The following EXD3 variants were observed in gnomAD, a reference collection of about 807,000 sequenced individuals.
EXD3 encodes the protein exonuclease 3'-5' domain containing 3.
Under a neutral mutation model 98.0 loss-of-function variants are expected in EXD3, and 92 were observed. That is an observed-to-expected ratio of 0.94 (90% CI 0.79 to 1.12). The LOEUF (loss-of-function observed/expected upper bound fraction) is 1.12, where lower values mean the gene tolerates loss of function less well. Ranked by LOEUF, EXD3 falls within the 50% of genes most tolerant of loss-of-function variation. The pLI, the probability that EXD3 is intolerant of heterozygous loss-of-function variation, is 0.00. For synonymous variants in EXD3, 569 were observed against 526.0 expected (o/e 1.08, Z -1.12); for missense variants, 1,222 against 1,191.6 (o/e 1.03, Z -0.38).
chr9:137,320,873 C>T (rs911435071), intron 19 of EXD3, among the ~76,000 whole-genome samples: 2 of 152,198 alleles, frequency 1.3e-5, no homozygotes, highest in East Asian at 1.9e-4. Flanking sequence ...CCTCCCCAGG[C>T]GTCCCGGACA....
Position 137,306,920 on chromosome 9 carries a change from G to A in EXD3, c.*30C>T, listed in dbSNP as rs754811360. The A allele has an allele frequency of 2.4e-5, 37 of 1,532,164 alleles. No homozygotes were observed. In the Admixed American group the frequency reaches 5.0e-4, roughly 21 times the overall value. The allele number at this position is 1,532,164 out of a possible 1,614,324, so 94.9% of individuals were successfully genotyped here. ...CCACGGCCATGGGCCCAGCAGTCGG[G>A]CACTTTCCATGTTTATTGTCTGGCT... On this transcript the variant is annotated 3_prime_UTR_variant, in exon 22 of 22. Transcript: ENST00000340951.
intron 7 of EXD3, among the ~76,000 whole-genome samples, chr9:137,364,173 T>C (rs1238957562): frequency 6.6e-6 from 1 of 152,160 alleles, no homozygotes; most frequent in East Asian, 1.9e-4. Flanking sequence ...ACCATTGTCA[T>C]TTTTGTGCTC....
intron 19 of EXD3, among the ~76,000 whole-genome samples, chr9:137,314,807 C>T (rs1439649790): frequency 1.3e-5 from 2 of 152,186 alleles, no homozygotes; most frequent in South Asian, 2.1e-4. Flanking sequence ...ACCCCAGAGC[C>T]CCCAAAAGCC....
chr9:137,413,559 G>A (rs920166298), intron 1 of EXD3, among the ~76,000 whole-genome samples: 1 of 147,528 alleles, frequency 6.8e-6, no homozygotes, highest in African/African-American at 2.5e-5. Flanking sequence ...AGGGTGGAGT[G>A]CAGTGGTGCG....
At chr9:137,378,519 G>T (rs566843544) in intron 3 of EXD3, among the ~76,000 whole-genome samples, 2 of 152,282 alleles carry the variant, frequency 1.3e-5, no homozygotes, top group South Asian at 4.2e-4. Flanking sequence ...CCTCCCCAAA[G>T]ATTTAAAAAC....
At chr9:137,368,067 C>T (rs931150944) in intron 5 of EXD3, 78 bp from the exon 6 acceptor site, 2 of 1,201,712 alleles carry the variant, frequency 1.7e-6, no homozygotes, top group Admixed American at 2.0e-5. Flanking sequence ...GGCTACCACC[C>T]TTTTGCACCA....
chr9:137,320,968 G>A (rs1026123664), intron 19 of EXD3, among the ~76,000 whole-genome samples: 1 of 152,218 alleles, frequency 6.6e-6, no homozygotes, highest in African/African-American at 2.4e-5. Context: ...TGGAGCCCAA[G>A]GCTGCAGGAG....
At chr9:137,369,818 G>A (rs1835499122) in intron 5 of EXD3, among the ~76,000 whole-genome samples, 1 of 152,240 alleles carries the variant, frequency 6.6e-6, no homozygotes, top group Admixed American at 6.5e-5. Flanking sequence ...AAAGTGCCCA[G>A]CTCAGCCCTT....
rs751611486 is a variant in EXD3, at chr9:137,395,970, CTTT to C, written c.-47-569_-47-567del. Among the ~76,000 whole-genome samples the C allele has an allele frequency of 7.1e-6, 1 of 140,740 alleles. No individual in the cohort carries two copies. The highest frequency in any genetic ancestry group is 1.5e-5 in the Non-Finnish European group (1 of 64,566). The allele number at this position is 140,740 out of a possible 152,430, so 92.3% of individuals were successfully genotyped here. On this transcript the variant is annotated intron_variant, in intron 1 of 21. Transcript: ENST00000340951. This position sits in a 1 kb window ranked among gnomAD's most constrained non-coding sequence, Gnocchi z 6.5. Reference sequence around the variant, plus strand: ...TTTTTTTTCTTTTCTTTCTTTCTTTCTTTTTTTTTTTTTTGGAGACAGAGTCTC... The same window carrying C: ...TTTTTTTTCTTTTCTTTCTTTCTTTCTTTTTTTTTTTGGAGACAGAGTCTC...
chr9:137,374,759 G>A, intron 3 of EXD3: 1 of 985,458 alleles, frequency 1.0e-6, no homozygotes. Context: ...CTGTCCCTCG[G>A]GACTCTGGGA....
intron 3 of EXD3, among the ~76,000 whole-genome samples, chr9:137,375,527 C>T (rs781033182): frequency 6.6e-6 from 1 of 152,126 alleles, no homozygotes; most frequent in Non-Finnish European, 1.5e-5. Flanking sequence ...CTAGTGACTT[C>T]TAGCCCTAGT....
intron 1 of EXD3, among the ~76,000 whole-genome samples, chr9:137,402,071 A>G (rs1837501218): frequency 6.6e-6 from 1 of 152,152 alleles, no homozygotes; most frequent in South Asian, 2.1e-4. Context: ...ACTGGAGTGC[A>G]GTGGTGTGAT....
At chr9:137,314,082 C>T (rs1488092503) in intron 19 of EXD3, among the ~76,000 whole-genome samples, 1 of 152,146 alleles carries the variant, frequency 6.6e-6, no homozygotes, top group Non-Finnish European at 1.5e-5. Context: ...TCTGACCTCC[C>T]CTAGAGCCGC....
At position 137,407,486 on chromosome 9, in the gene EXD3, G is replaced by C. The variant is rs116981624; in HGVS notation, c.-47-12082C>G. On this transcript the variant is annotated intron_variant, in intron 1 of 21. Coordinates refer to ENST00000340951, the MANE Select transcript of EXD3 (RefSeq NM_017820.5). This position sits in a 1 kb window ranked among gnomAD's most constrained non-coding sequence, Gnocchi z 4.4. ...GCAAAGGGCAGGTCTGGCCGCTCTC[G>C]GGCTCTGCCCTGCCAGCCCCACAAC... Among the ~76,000 whole-genome samples, 881 of 152,274 alleles carry C rather than the reference G, an allele frequency of 5.8e-3. 4 individuals carry two copies. Among genetic ancestry groups the C allele is most frequent in the Non-Finnish European group, 9.2e-3 (628 of 68,012 alleles).
intron 2 of EXD3, among the ~76,000 whole-genome samples, chr9:137,394,667 G>A (rs1210291900): frequency 6.6e-6 from 1 of 151,606 alleles, no homozygotes; most frequent in Non-Finnish European, 1.5e-5. Context: ...CCCTCGGGCT[G>A]TTTATCCTCA....
At chr9:137,410,639 C>A (rs7029134) in intron 1 of EXD3, among the ~76,000 whole-genome samples, 1,648 of 149,808 alleles carry the variant, frequency 0.011, 20 homozygotes, top group African/African-American at 0.038. Flanking sequence ...CCTGGCCCCA[C>A]GATCCACACC....
intron 19 of EXD3, among the ~76,000 whole-genome samples, chr9:137,317,287 C>CT (rs1374568337): frequency 6.6e-6 from 1 of 152,146 alleles, no homozygotes. Flanking sequence ...CCCTGAGGAG[C>CT]TCCCCAGGAC....
In EXD3 at chr9:137,395,718, C is replaced by T. The variant is rs549593927; in HGVS notation, c.-47-314G>A. 6.6e-6 allele frequency among the ~76,000 whole-genome samples: 1 copy of T among 152,230 alleles called. No individual in the cohort carries two copies. Among genetic ancestry groups the T allele is most frequent in the South Asian group, 2.1e-4 (1 of 4,828 alleles). On this transcript the variant is annotated intron_variant, in intron 1 of 21. Coordinates refer to ENST00000340951, the MANE Select transcript of EXD3 (RefSeq NM_017820.5). The surrounding 1 kb of genome is among the most constrained non-coding windows in gnomAD (Gnocchi z 6.5). ...TCGCGGGAGTGCAGAGGGGCCTGTT[C>T]TTGAGGACAGCGTGACCCCCCTTGC...
chr9:137,365,906 C>T (rs1046390180), intron 7 of EXD3: 4 of 405,596 alleles, frequency 9.9e-6, no homozygotes, highest in Non-Finnish European at 1.9e-5. Context: ...CACACACATA[C>T]ATGCACACAC....
Sources: allele counts gnomAD v4.1 joint callset (sites outside exome capture counted in the v4.1 genomes callset), GRCh38; gene constraint gnomAD v4.1.1; non-coding constraint Gnocchi (gnomAD v3.1); transcripts MANE v1.5; gene names NCBI Gene and HGNC (gene_info 2026-07-23, HGNC 2026-07-21).